The following CPED1 variants were observed in gnomAD, a reference collection of about 807,000 sequenced individuals.
CPED1 encodes cadherin-like and PC-esterase domain-containing protein 1.
A neutral mutation model predicts 128.2 loss-of-function variants in CPED1; 114 were observed. The ratio of observed to expected loss-of-function variants is 0.89; its 90% CI spans 0.76 to 1.04. The LOEUF (loss-of-function observed/expected upper bound fraction) is 1.04, where lower values mean the gene tolerates loss of function less well. CPED1 is among the 50% of genes least tolerant of loss of function. CPED1 has a pLI of 0.00. For synonymous variants in CPED1, 462 were observed against 426.7 expected (o/e 1.08, Z -1.02); for missense variants, 1,211 against 1,207.1 (o/e 1.00, Z -0.05).
chr7:121,099,852 C>T (rs1794800029), intron 6 of CPED1, 74 bp from the exon 7 acceptor site: 1 of 1,481,260 alleles, frequency 6.8e-7, no homozygotes, highest in Non-Finnish European at 9.2e-7. Flanking sequence ...GTTTACAAAG[C>T]TTGTAGGTAA....
intron 4 of CPED1, among the ~76,000 whole-genome samples, chr7:121,055,486 T>A (rs1230459611): frequency 6.6e-6 from 1 of 151,754 alleles, no homozygotes; most frequent in Non-Finnish European, 1.5e-5. Context: ...TACATAGCAA[T>A]CACAATAGTT....
intron 14 of CPED1, among the ~76,000 whole-genome samples, chr7:121,137,488 A>G (rs1795810795): frequency 6.6e-6 from 1 of 152,060 alleles, no homozygotes; most frequent in African/African-American, 2.4e-5. Context: ...TATTATTAAT[A>G]GACGTCTTTG....
chr7:121,015,892 A>G (rs1200067264), intron 3 of CPED1, 44 bp downstream of exon 3: 2 of 1,300,928 alleles, frequency 1.5e-6, no homozygotes, highest in Admixed American at 3.5e-5. Flanking sequence ...TTGACATATA[A>G]TGTTGAACAA....
At chr7:121,064,368 T>G in intron 5 of CPED1, 55 bp downstream of exon 5, 1 of 1,242,562 alleles carries the variant, frequency 8.0e-7, no homozygotes, top group South Asian at 1.2e-5. Context: ...CAGGCTCCCT[T>G]AGCAGAAGCA....
chr7:121,229,830 TG>T (rs1798097421), intron 16 of CPED1, among the ~76,000 whole-genome samples: 2 of 151,996 alleles, frequency 1.3e-5, no homozygotes, highest in Non-Finnish European at 2.9e-5. Flanking sequence ...AAAAGAAATG[TG>T]AGTGCTTCAA....
intron 16 of CPED1, among the ~76,000 whole-genome samples, chr7:121,151,214 C>A (rs988506499): frequency 1.3e-5 from 2 of 152,054 alleles, no homozygotes; most frequent in African/African-American, 4.8e-5. Context: ...AAAGTTTTGA[C>A]CCCTCATCTC....
At chr7:121,282,726 C>T (rs768913373) in intron 22 of CPED1, among the ~76,000 whole-genome samples, 11 of 152,190 alleles carry the variant, frequency 7.2e-5, no homozygotes, top group East Asian at 3.8e-4. Flanking sequence ...TTTGAATGTA[C>T]TAAGGAACTA....
At chr7:121,030,604 T>A (rs1473585868) in intron 3 of CPED1, among the ~76,000 whole-genome samples, 3 of 152,214 alleles carry the variant, frequency 2.0e-5, no homozygotes, top group Non-Finnish European at 4.4e-5. Context: ...ACTCAAGTCA[T>A]CCTTATTTTA....
chr7:121,112,714 A>T (rs991054710), intron 7 of CPED1, among the ~76,000 whole-genome samples: 1 of 152,218 alleles, frequency 6.6e-6, no homozygotes, highest in Non-Finnish European at 1.5e-5. Context: ...ACATCACATG[A>T]ATAAGCCAAG....
chr7:121,160,867 GC>G (rs1796397235), intron 16 of CPED1, among the ~76,000 whole-genome samples: 1 of 151,536 alleles, frequency 6.6e-6, no homozygotes, highest in South Asian at 2.1e-4. Flanking sequence ...AGGTAGCTGA[GC>G]CTCTCAATGC....
chr7:121,260,022 T>A (rs567540955), intron 18 of CPED1, among the ~76,000 whole-genome samples: 58 of 152,056 alleles, frequency 3.8e-4, no homozygotes, highest in African/African-American at 1.3e-3. Context: ...TTATTGCCTG[T>A]CAGTTTCAGT....
chr7:121,292,451 C>T (rs1413489712), intron 22 of CPED1, among the ~76,000 whole-genome samples: 3 of 151,968 alleles, frequency 2.0e-5, no homozygotes, highest in African/African-American at 4.8e-5. Context: ...TCTTTGCATT[C>T]GGTTAGAACA....
At chr7:121,183,909 GT>G (rs1475477791) in intron 16 of CPED1, among the ~76,000 whole-genome samples, 1 of 152,050 alleles carries the variant, frequency 6.6e-6, no homozygotes, top group African/African-American at 2.4e-5. Context: ...CAAGGCTGAG[GT>G]GGGCAGATTA....
chr7:121,110,541 C>G (rs148294126), intron 7 of CPED1, among the ~76,000 whole-genome samples: 126 of 152,160 alleles, frequency 8.3e-4, no homozygotes, highest in African/African-American at 3.0e-3. Flanking sequence ...GTAAAATACT[C>G]CCAGCAAAAG....
chr7:121,246,757 T>TA (rs11446004), intron 18 of CPED1, among the ~76,000 whole-genome samples: 2,992 of 149,406 alleles, frequency 0.02, 106 homozygotes, highest in African/African-American at 0.068. Flanking sequence ...AAGTAGTGGT[T>TA]AAAAAAAAAA....
At chr7:121,254,896 T>C (rs1273673032) in intron 18 of CPED1, among the ~76,000 whole-genome samples, 1 of 144,058 alleles carries the variant, frequency 6.9e-6, no homozygotes, top group African/African-American at 2.6e-5. Context: ...AGCTCTGAAA[T>C]TGAATCAGTA....
chr7:121,016,622 A>G (rs931512585), intron 3 of CPED1, among the ~76,000 whole-genome samples: 5 of 152,182 alleles, frequency 3.3e-5, no homozygotes, highest in African/African-American at 1.2e-4. Flanking sequence ...GGTGTGAGGG[A>G]TGGACAGATG....
intron 16 of CPED1, among the ~76,000 whole-genome samples, chr7:121,157,081 G>C (rs991828194): frequency 1.3e-5 from 2 of 152,268 alleles, no homozygotes; most frequent in African/African-American, 4.8e-5. Context: ...AGATTCAAAC[G>C]TTATACTTGG....
At chr7:121,095,679 T>C (rs1440992271) in intron 5 of CPED1, among the ~76,000 whole-genome samples, 2 of 152,146 alleles carry the variant, frequency 1.3e-5, no homozygotes, top group Non-Finnish European at 2.9e-5. Context: ...AATTCCTGTA[T>C]TGGACCCCTT....
Sources: allele counts gnomAD v4.1 joint callset (sites outside exome capture counted in the v4.1 genomes callset), GRCh38; gene constraint gnomAD v4.1.1; transcripts MANE v1.5; gene names NCBI Gene and HGNC (gene_info 2026-07-23, HGNC 2026-07-21).